CENPW: variants seen among roughly 807,000 people sequenced by gnomAD.
CENPW encodes cancer-up-regulated gene 2 protein.
Under a neutral mutation model 11.1 loss-of-function variants are expected in CENPW, and 3 were observed. The ratio of observed to expected loss-of-function variants is 0.27; its 90% CI spans 0.12 to 0.70. CENPW has a LOEUF of 0.70. CENPW is among the 30% of genes least tolerant of loss of function. CENPW has a pLI of 0.77. For synonymous variants in CENPW, 38 were observed against 42.0 expected (o/e 0.91, Z 0.37); for missense variants, 100 against 105.6 (o/e 0.95, Z 0.23).
downstream of CENPW, among the ~76,000 whole-genome samples, chr6:126,351,551 A>G (rs560617235): frequency 2.9e-4 from 44 of 152,154 alleles, no homozygotes; most frequent in African/African-American, 1.0e-3. Context: ...GTGGGGGAAG[A>G]TGTGTTTATT....
the CENPW span, among the ~76,000 whole-genome samples, chr6:126,434,966 T>C: frequency 7.9e-5 from 12 of 151,970 alleles, no homozygotes; most frequent in Admixed American, 7.9e-4. Context: ...TTCTTCCTTG[T>C]CTGTTTCAAT....
chr6:126,409,157 A>C, the CENPW span, among the ~76,000 whole-genome samples: 21 of 152,186 alleles, frequency 1.4e-4, no homozygotes, highest in African/African-American at 5.1e-4. Context: ...AAAGTTTTAA[A>C]TTTCCTAATT....
chr6:126,441,342 T>C, the CENPW span, among the ~76,000 whole-genome samples: 2 of 151,340 alleles, frequency 1.3e-5, no homozygotes, highest in Admixed American at 1.3e-4. Flanking sequence ...CTGACTCTAG[T>C]AGCCAAACAG....
chr6:126,372,569 T>C, the CENPW span, among the ~76,000 whole-genome samples: 2 of 152,196 alleles, frequency 1.3e-5, no homozygotes, highest in Non-Finnish European at 2.9e-5. Flanking sequence ...TAGTACACTT[T>C]ATTCCTCAGA....
At chr6:126,348,152 A>G (rs1057477059) in intron 2 of CENPW, among the ~76,000 whole-genome samples, 2 of 151,970 alleles carry the variant, frequency 1.3e-5, no homozygotes, top group Non-Finnish European at 2.9e-5. Flanking sequence ...AAAATTTCAA[A>G]TTCGAAACCA....
chr6:126,419,408 A>T, the CENPW span, among the ~76,000 whole-genome samples: 2 of 152,194 alleles, frequency 1.3e-5, no homozygotes, highest in African/African-American at 4.8e-5. Context: ...ACTCAATTCA[A>T]CTTACCAAGT....
At chr6:126,365,957 A>C in the CENPW span, among the ~76,000 whole-genome samples, 2 of 152,224 alleles carry the variant, frequency 1.3e-5, no homozygotes, top group African/African-American at 4.8e-5. Context: ...TTTTAAATCA[A>C]ATTTTATCTC....
chr6:126,405,401 G>A, the CENPW span, among the ~76,000 whole-genome samples: 1 of 151,942 alleles, frequency 6.6e-6, no homozygotes, highest in Non-Finnish European at 1.5e-5. Flanking sequence ...TGTTTTGGTT[G>A]CTATAGTTTT....
At chr6:126,436,144 T>G in the CENPW span, among the ~76,000 whole-genome samples, 4 of 151,760 alleles carry the variant, frequency 2.6e-5, no homozygotes, top group Non-Finnish European at 5.9e-5. Context: ...TCATAATCGA[T>G]TTGATGTATT....
chr6:126,445,752 A>G, the CENPW span, among the ~76,000 whole-genome samples: 1 of 151,204 alleles, frequency 6.6e-6, no homozygotes, highest in African/African-American at 2.4e-5. Flanking sequence ...TTTAGCTTAC[A>G]AATTATTTTA....
At chr6:126,437,351 C>A in the CENPW span, among the ~76,000 whole-genome samples, 4 of 152,022 alleles carry the variant, frequency 2.6e-5, no homozygotes, top group Admixed American at 2.0e-4. Flanking sequence ...ATATCTGTAT[C>A]ATGCTCATTT....
chr6:126,473,013 C>A, the CENPW span, among the ~76,000 whole-genome samples: 4 of 152,280 alleles, frequency 2.6e-5, no homozygotes, highest in East Asian at 7.7e-4. Context: ...TAATATGCCT[C>A]CTTTTCAGAT....
At chr6:126,421,682 C>T in the CENPW span, among the ~76,000 whole-genome samples, 4 of 151,564 alleles carry the variant, frequency 2.6e-5, no homozygotes, top group South Asian at 8.3e-4. Context: ...CTATAATTGC[C>T]TGGCAAACCT....
the CENPW span, among the ~76,000 whole-genome samples, chr6:126,404,244 A>T: frequency 1.0e-2 from 1,518 of 152,234 alleles, 22 homozygotes; most frequent in African/African-American, 0.035. Flanking sequence ...CATATCTGCT[A>T]ACACAATATC....
chr6:126,373,269 C>G, the CENPW span, among the ~76,000 whole-genome samples: 1 of 152,172 alleles, frequency 6.6e-6, no homozygotes, highest in Non-Finnish European at 1.5e-5. Context: ...TTTTAACACA[C>G]TATGCTTGAG....
chr6:126,460,464 A>G, the CENPW span, among the ~76,000 whole-genome samples: 1 of 151,682 alleles, frequency 6.6e-6, no homozygotes, highest in African/African-American at 2.4e-5. Flanking sequence ...GAAGGAGAGC[A>G]TTCTATCTTT....
At chr6:126,470,006 C>T in the CENPW span, among the ~76,000 whole-genome samples, 2 of 152,108 alleles carry the variant, frequency 1.3e-5, no homozygotes, top group African/African-American at 4.8e-5. Context: ...TGCAGCCTGA[C>T]CATGAGGTAG....
At chr6:126,460,703 A>G in the CENPW span, among the ~76,000 whole-genome samples, 2 of 151,810 alleles carry the variant, frequency 1.3e-5, no homozygotes, top group Non-Finnish European at 2.9e-5. Flanking sequence ...AGACCTCAGT[A>G]TAGAACCTGG....
At chr6:126,454,836 T>TA in the CENPW span, among the ~76,000 whole-genome samples, 682 of 149,518 alleles carry the variant, frequency 4.6e-3, 1 homozygote, top group South Asian at 0.011. Context: ...GCTAGACAAA[T>TA]AAAAAAAGAA....
Sources: gnomAD v4.1 joint callset for allele counts (sites outside exome capture counted in the v4.1 genomes callset) on GRCh38, gnomAD v4.1.1 for gene constraint, MANE v1.5 for transcripts, NCBI Gene and HGNC (gene_info 2026-07-23, HGNC 2026-07-21) for gene names.